CDHR2: variants seen among roughly 807,000 people sequenced by gnomAD.
CDHR2 encodes the protein cadherin-related family member 2.
Under a neutral mutation model 138.6 loss-of-function variants are expected in CDHR2, and 104 were observed. That is an observed-to-expected ratio of 0.75 (90% CI 0.64 to 0.88). The LOEUF is 0.88. Among genes scored for constraint, CDHR2 ranks in the 40% least tolerant of loss-of-function variants. The probability of loss-of-function intolerance (pLI) is 0.00; values close to 1 mark genes in which losing one functional copy is unlikely to be tolerated. For synonymous variants in CDHR2, 755 were observed against 742.8 expected (o/e 1.02, Z -0.27); for missense variants, 1,624 against 1,727.6 (o/e 0.94, Z 1.06).
Position 176,576,602 on chromosome 5 carries a change from A to G in CDHR2, c.1194+417A>G, listed in dbSNP as rs1581142014. Among the ~76,000 whole-genome samples the G allele has an allele frequency of 4.9e-5, 7 of 142,786 alleles. No individual in the cohort carries two copies. Among genetic ancestry groups the G allele is most frequent in the Admixed American group, 7.0e-5 (1 of 14,294 alleles). 93.7% of individuals were successfully genotyped at this position (142,786 alleles called of 152,430 possible). ...CTCTTTTTTTTTTTTTTTGAGATGG[A>G]ATTTCGCTCTGTCACCCAGGCTGGA... On this transcript the variant is annotated intron_variant, in intron 12 of 31. Coordinates refer to ENST00000261944, the MANE Select transcript of CDHR2 (RefSeq NM_017675.6). This position sits in a 1 kb window ranked among gnomAD's most constrained non-coding sequence, Gnocchi z 4.5.
chr5:176,582,499 C>A (rs559816543), intron 17 of CDHR2, among the ~76,000 whole-genome samples: 18 of 152,114 alleles, frequency 1.2e-4, no homozygotes, highest in Non-Finnish European at 2.2e-4. Flanking sequence ...GCAACTGAGG[C>A]GGGCCTAGTT....
In CDHR2 at chr5:176,592,731, C is replaced by A; in HGVS notation, c.3743C>A (p.Ser1248Tyr). Residue 1248 changes from serine (S) to tyrosine (Y), a missense_variant, in exon 31 of 32, where the codon TCC becomes TAC. Physicochemically the swap from Ser to Tyr is moderately radical, Grantham distance 144. Around this residue, in one of 3 missense-constraint regions of CDHR2, gnomAD observed 556 missense variants for 565.7 expected, o/e 0.98. Transcript: ENST00000261944. ...CATCACCTCTCTTACAGCGTCAACT[C>A]CCTGGACGACAACTCTGTGGATGTG... ...SNDLDSVSVN[S>Y]LDDNSVDVDK... The A allele has an allele frequency of 6.2e-7, 1 of 1,613,732 alleles. No individual in the cohort carries two copies. The highest frequency in any genetic ancestry group is 8.5e-7 in the Non-Finnish European group (1 of 1,179,812).
At position 176,578,031 on chromosome 5, in the gene CDHR2, C is replaced by T. The variant is rs1758437756; in HGVS notation, c.1513-3C>T. ...AGCACCCTGCCATGTCTCTGCCTCA[C>T]AGGCCACGGACCCAGACACGGGCGC... On this transcript the variant is annotated splice_polypyrimidine_tract_variant and splice_region_variant and intron_variant, in intron 14 of 31. Coordinates refer to ENST00000261944, the MANE Select transcript of CDHR2 (RefSeq NM_017675.6). 2.5e-6 allele frequency: 4 copies of T among 1,609,788 alleles called. No homozygotes were observed. Among genetic ancestry groups the T allele is most frequent in the Non-Finnish European group, 3.4e-6 (4 of 1,177,152 alleles).
At position 176,571,229 on chromosome 5, in the gene CDHR2, T is replaced by C; in HGVS notation, c.332T>C (p.Leu111Pro). 1 of 1,612,786 alleles carries C rather than the reference T, an allele frequency of 6.2e-7. No individual in the cohort carries two copies. Among genetic ancestry groups the C allele is most frequent in the Non-Finnish European group, 8.5e-7 (1 of 1,179,378 alleles). ...DPYIQVQREM[L>P]VIVEDRNDNA... ...CACTTGCAGGTGCAGAGGGAGATGC[T>C]GGTGATTGTGGAAGATAGAAACGAC... is the stretch of plus-strand genomic sequence containing the variant. The change falls in exon 6 of 32, where the codon CTG becomes CCG. Residue 111 changes from leucine to proline, a missense_variant. Coordinates refer to ENST00000261944, the MANE Select transcript of CDHR2 (RefSeq NM_017675.6).
At chr5:176,586,168 A>G in intron 20 of CDHR2, 143 bp downstream of exon 20, 1 of 652,038 alleles carries the variant, frequency 1.5e-6, no homozygotes, top group Non-Finnish European at 2.7e-6. Context: ...TAGGGCTGCA[A>G]TAGGAGAGGA....
intron 3 of CDHR2, among the ~76,000 whole-genome samples, chr5:176,567,960 T>G (rs1440615086): frequency 6.6e-6 from 1 of 152,234 alleles, no homozygotes; most frequent in Non-Finnish European, 1.5e-5. Context: ...AACTTTCTTG[T>G]GGGCCACGAA....
At chr5:176,582,088 A>G (rs984371703) in intron 17 of CDHR2, among the ~76,000 whole-genome samples, 4 of 152,152 alleles carry the variant, frequency 2.6e-5, no homozygotes, top group Non-Finnish European at 5.9e-5. Context: ...TAGTGCCATC[A>G]TGGCTCACTG....
At chr5:176,587,238 G>A (rs1289114204) in intron 21 of CDHR2, among the ~76,000 whole-genome samples, 4 of 152,090 alleles carry the variant, frequency 2.6e-5, no homozygotes, top group African/African-American at 7.2e-5. Flanking sequence ...ACCTGAGGTC[G>A]GGAGTCTGCG....
In CDHR2 at chr5:176,575,013, C is replaced by A; in HGVS notation, c.496-71C>A. 3.2e-6 allele frequency: 5 copies of A among 1,582,702 alleles called. No individual in the cohort carries two copies. The Admixed American group carries it at 5.1e-5, about 16-fold the overall frequency. On this transcript the variant is annotated intron_variant, in intron 7 of 31. Coordinates refer to ENST00000261944, the MANE Select transcript of CDHR2 (RefSeq NM_017675.6). ...AGTGGCAGAGCTGGGACCTTCCCTG[C>A]GTTGCTCAGAGTGGGGTCCTCGGTG... is the stretch of plus-strand genomic sequence containing the variant.
rs1191909406 is a variant in CDHR2, at chr5:176,576,311, T to TG, written c.1194+131dup. On this transcript the variant is annotated intron_variant, in intron 12 of 31. Transcript: ENST00000261944. The surrounding 1 kb of genome is among the most constrained non-coding windows in gnomAD (Gnocchi z 4.5). ...TGGTGCAGGGTGTGATGGCGGAGAA[T>TG]GGGGGTGCTGGGTGCTCTCTGGAAG... 1.4e-6 allele frequency: 1 copy of TG among 731,248 alleles called. No homozygotes were observed. Among genetic ancestry groups the TG allele is most frequent in the African/African-American group, 1.8e-5 (1 of 57,094 alleles). 45.3% of individuals were successfully genotyped at this position (731,248 alleles called of 1,614,324 possible). A position where few individuals can be genotyped will look rare whatever the true frequency, so the allele number is the denominator to read the frequency against.
rs1270078698 is a variant in CDHR2, at chr5:176,558,214, A to C, written c.-15-7124A>C. ...TTTGCTTGCTTAGTTTTCTTTTCTT[A>C]TTTTTTTTTTTTTTTTTTTGAGACG... On this transcript the variant is annotated intron_variant, in intron 1 of 31. Transcript: ENST00000261944. Among the ~76,000 whole-genome samples, 56 of 132,152 alleles carry C rather than the reference A, an allele frequency of 4.2e-4. 4 individuals are homozygous for C. Among genetic ancestry groups the C allele is most frequent in the Admixed American group, 8.6e-4 (11 of 12,758 alleles). The allele number at this position is 132,152 out of a possible 152,430, so 86.7% of individuals were successfully genotyped here. A position where few individuals can be genotyped will look rare whatever the true frequency, so the allele number is the denominator to read the frequency against.
intron 16 of CDHR2, among the ~76,000 whole-genome samples, chr5:176,579,053 A>G (rs937743130): frequency 1.3e-5 from 2 of 152,256 alleles, no homozygotes; most frequent in African/African-American, 4.8e-5. Context: ...TCTGAGCTTC[A>G]TGGTGGCCAA....
At chr5:176,574,217 G>T (rs780238179) in intron 7 of CDHR2, 45 bp downstream of exon 7, 3 of 1,407,348 alleles carry the variant, frequency 2.1e-6, no homozygotes, top group Non-Finnish European at 3.0e-6. Context: ...CCGCCAGGGG[G>T]CAGCATCTCC....
At chr5:176,594,448 G>A (rs1758967525) in intron 31 of CDHR2, among the ~76,000 whole-genome samples, 2 of 152,200 alleles carry the variant, frequency 1.3e-5, no homozygotes, top group South Asian at 4.1e-4. Flanking sequence ...TGGCTGGAGA[G>A]ATTATCACTC....
chr5:176,574,132 A>T lies in CDHR2; in HGVS notation c.455A>T (p.Asp152Val), dbSNP rs1758300216. ...VVFSVLAVDKDMGSAGMVVYS... is the reference protein window; with the variant it reads ...VVFSVLAVDKVMGSAGMVVYS... ...TTCTCCGTGCTGGCCGTGGATAAAGACATGGGGTCTGCAGGCATGGTCGTG... is the reference window on the plus strand; with the variant it reads ...TTCTCCGTGCTGGCCGTGGATAAAGTCATGGGGTCTGCAGGCATGGTCGTG... Residue 152 changes from aspartate (D) to valine (V), a missense_variant, in exon 7 of 32, where the codon GAC becomes GTC. By Grantham distance (152) the Asp-to-Val change is radical. This residue lies in a region of CDHR2 where 1,061 missense variants were observed against 1,136.6 expected (regional missense o/e 0.93). Transcript: ENST00000261944. 1.9e-6 allele frequency: 3 copies of T among 1,613,950 alleles called. No homozygotes were observed. The highest frequency in any genetic ancestry group is 8.5e-7 in the Non-Finnish European group (1 of 1,179,968).
chr5:176,591,441 G>C lies in CDHR2; in HGVS notation c.3691G>C (p.Gly1231Arg). The C allele has an allele frequency of 3.1e-6, 5 of 1,613,980 alleles. No homozygotes were observed. The highest frequency in any genetic ancestry group is 3.4e-6 in the Non-Finnish European group (4 of 1,180,016). ...PMLNLPNKDL[G>R]LEYLSPSNDL... ...GCTGAACCTCCCCAACAAAGACCTG[G>C]GCTTGGAGTACCTCTCTCCCTCCAA... Residue 1231 changes from glycine (G) to arginine (R), a missense_variant, in exon 30 of 32, where the codon GGC (glycine) becomes CGC (arginine). Coordinates refer to ENST00000261944, the MANE Select transcript of CDHR2 (RefSeq NM_017675.6).
chr5:176,567,431 A>G (rs919415813), intron 3 of CDHR2, among the ~76,000 whole-genome samples: 3 of 152,058 alleles, frequency 2.0e-5, no homozygotes, highest in Admixed American at 2.0e-4. Flanking sequence ...CGGCTTCCCA[A>G]AGTGCTGGGA....
chr5:176,544,837 C>A (rs1757551553), upstream of CDHR2, among the ~76,000 whole-genome samples: 1 of 152,060 alleles, frequency 6.6e-6, no homozygotes. Flanking sequence ...GACTTTGTAC[C>A]CTGCAAAGTG....
At chr5:176,582,977 C>T (rs969106763) in intron 17 of CDHR2, among the ~76,000 whole-genome samples, 2 of 152,218 alleles carry the variant, frequency 1.3e-5, no homozygotes, top group African/African-American at 4.8e-5. Context: ...GTGCAGTGCA[C>T]AGCCTGCACC....
Sources: gnomAD v4.1 joint callset for allele counts (sites outside exome capture counted in the v4.1 genomes callset) on GRCh38, gnomAD v4.1.1 for gene constraint, gnomAD v4.1.1 regional missense constraint, Gnocchi (gnomAD v3.1) non-coding constraint, MANE v1.5 for transcripts, NCBI Gene and HGNC (gene_info 2026-07-23, HGNC 2026-07-21) for gene names.